AFP: variants seen among roughly 807,000 people sequenced by gnomAD.
AFP encodes the protein alpha fetoprotein.
In AFP, 64 loss-of-function variants were observed where a neutral mutation model predicts 78.9. That is an observed-to-expected ratio of 0.81 (90% confidence interval 0.66 to 1.00). The LOEUF (loss-of-function observed/expected upper bound fraction) is 1.00. Ranked by LOEUF, AFP falls within the 50% of genes least tolerant of loss-of-function variation. The pLI is 0.00. For synonymous variants in AFP, 254 were observed against 243.8 expected (o/e 1.04, Z -0.39); for missense variants, 689 against 703.8 (o/e 0.98, Z 0.24).
chr4:73,447,819 A>G (rs1719876085), intron 8 of AFP, 143 bp downstream of exon 8: 1 of 729,882 alleles, frequency 1.4e-6, no homozygotes, highest in Non-Finnish European at 2.3e-6. Context: ...CTGAGCCAAA[A>G]TAGATTTCAG....
At position 73,444,992 on chromosome 4, in the gene AFP, G is replaced by A. The variant is rs972335983; in HGVS notation, c.714-1G>A. On this transcript the variant is annotated splice_acceptor_variant, in intron 6 of 14. Transcript: ENST00000395792. LOFTEE classifies it high-confidence loss of function. The stretch of plus-strand genomic sequence containing the variant: ...ATTTCTAATTTCTTTTTTTTCCCTA[G>A]AACTGTTACTAAACTGAGTCAGAAG... 2 of 1,606,138 alleles carry A rather than the reference G, an allele frequency of 1.2e-6. No homozygotes were observed. Among genetic ancestry groups the A allele is most frequent in the South Asian group, 1.1e-5 (1 of 90,566 alleles).
intron 3 of AFP, 135 bp from the exon 4 acceptor site, chr4:73,440,467 T>C (rs1039912187): frequency 9.6e-6 from 7 of 730,184 alleles, no homozygotes; most frequent in Non-Finnish European, 1.6e-5. Context: ...TGAAACAAAA[T>C]ACATTAGAAT....
chr4:73,445,626 C>A (rs561260399), intron 7 of AFP, among the ~76,000 whole-genome samples: 1 of 152,240 alleles, frequency 6.6e-6, no homozygotes, highest in South Asian at 2.1e-4. Flanking sequence ...CTGTTATCTC[C>A]ATAGCACAAT....
At position 73,453,870 on chromosome 4, in the gene AFP, G is replaced by C; in HGVS notation, c.1758G>C (p.Gln586His). The change falls in exon 13 of 15, where the codon CAG becomes CAC. Residue 586 changes from glutamine to histidine, a missense_variant. By Grantham distance (24) the Gln-to-His change is conservative (BLOSUM62 0). Coordinates refer to ENST00000395792, the MANE Select transcript of AFP (RefSeq NM_001134.3). ...SGLLEKCCQG[Q>H]EQEVCFAEEG... Reference sequence around the variant, plus strand: ...TGTTGGAGAAATGCTGCCAAGGCCAGGAACAGGAAGTCTGCTTTGCTGAAG... The same window carrying C: ...TGTTGGAGAAATGCTGCCAAGGCCACGAACAGGAAGTCTGCTTTGCTGAAG... The C allele has an allele frequency of 6.2e-7, 1 of 1,613,670 alleles. No homozygotes were observed.
chr4:73,436,613 T>A (rs1463710191), intron 1 of AFP, among the ~76,000 whole-genome samples: 2 of 151,578 alleles, frequency 1.3e-5, no homozygotes, highest in Non-Finnish European at 3.0e-5. Flanking sequence ...ATATTAACTT[T>A]GAAAAATTAT....
At chr4:73,438,661 G>A (rs2070849) in intron 3 of AFP, among the ~76,000 whole-genome samples, 78,430 of 151,720 alleles carry the variant, frequency 0.52, 20,641 homozygotes, top group Non-Finnish European at 0.57. Context: ...AGCAATAGTA[G>A]CTAACTTTTA....
chr4:73,454,507 C>G (rs1422429351), intron 13 of AFP, among the ~76,000 whole-genome samples: 2 of 151,940 alleles, frequency 1.3e-5, no homozygotes, highest in African/African-American at 4.8e-5. Flanking sequence ...TGTGATGTTT[C>G]AATATATTTA....
At chr4:73,442,220 C>T in intron 4 of AFP, 76 bp from the exon 5 acceptor site, 2 of 1,364,592 alleles carry the variant, frequency 1.5e-6, no homozygotes, top group Non-Finnish European at 2.1e-6. Context: ...TAAATAAATC[C>T]CAGTGTCCAG....
intron 4 of AFP, among the ~76,000 whole-genome samples, chr4:73,441,131 G>A (rs1181044010): frequency 1.3e-5 from 2 of 151,252 alleles, no homozygotes; most frequent in Non-Finnish European, 2.9e-5. Flanking sequence ...GAATATATTA[G>A]TATTGCACCA....
intron 5 of AFP, among the ~76,000 whole-genome samples, chr4:73,442,962 T>C (rs939875178): frequency 7.9e-5 from 12 of 152,128 alleles, no homozygotes; most frequent in African/African-American, 2.9e-4. Context: ...AAAAATTTCC[T>C]GAGAACTGAC....
Position 73,438,289 on chromosome 4 carries a change from G to A in AFP, c.253G>A (p.Gly85Arg). 6.2e-7 allele frequency: 1 copy of A among 1,613,052 alleles called. No homozygotes were observed. The highest frequency in any genetic ancestry group is 8.5e-7 in the Non-Finnish European group (1 of 1,179,324). Reference sequence around the variant, plus strand: ...ACCCACTGGAGATGAACAGTCTTCAGGGTGTTTAGAAAACCAGGTGAGTGA... The same window carrying A: ...ACCCACTGGAGATGAACAGTCTTCAAGGTGTTTAGAAAACCAGGTGAGTGA... The part of the protein sequence containing the change: ...EKPTGDEQSS[G>R]CLENQLPAFL... Residue 85 changes from glycine to arginine, a missense_variant, in exon 3 of 15, where the codon GGG becomes AGG. Coordinates refer to ENST00000395792, the MANE Select transcript of AFP (RefSeq NM_001134.3).
intron 3 of AFP, among the ~76,000 whole-genome samples, 189 bp from the exon 4 acceptor site, chr4:73,440,413 G>C (rs915095877): frequency 2.0e-5 from 3 of 152,128 alleles, no homozygotes; most frequent in African/African-American, 7.2e-5. Context: ...GGACATTAAA[G>C]TCTCATTTTC....
chr4:73,439,519 C>T (rs977881989), intron 3 of AFP, among the ~76,000 whole-genome samples: 1 of 152,184 alleles, frequency 6.6e-6, no homozygotes. Flanking sequence ...TTACAGATCG[C>T]TGATTTATTC....
chr4:73,450,829 G>A lies in AFP; in HGVS notation c.1428+76G>A, dbSNP rs555504762. The stretch of plus-strand genomic sequence containing the variant: ...GAAATAGCCTCATAATTCCCCTCTA[G>A]GGAAGACGGTAAAAACCAATGTAGA... On this transcript the variant is annotated intron_variant, in intron 11 of 14. Transcript: ENST00000395792. 4.4e-6 allele frequency: 7 copies of A among 1,608,766 alleles called. 1 individual carries two copies. In the African/African-American group the frequency reaches 6.7e-5, roughly 15 times the overall value.
intron 5 of AFP, 135 bp from the exon 6 acceptor site, chr4:73,443,212 C>T: frequency 1.3e-6 from 1 of 741,890 alleles, no homozygotes; most frequent in Non-Finnish European, 2.3e-6. Flanking sequence ...TAATGTATGA[C>T]ATTTATAATT....
At chr4:73,444,792 C>T (rs893016581) in intron 6 of AFP, among the ~76,000 whole-genome samples, 22 of 152,090 alleles carry the variant, frequency 1.4e-4, no homozygotes, top group African/African-American at 4.6e-4. Flanking sequence ...ATTTGTGGGG[C>T]CAGCTCACAG....
At chr4:73,436,956 A>G (rs1428521978) in intron 1 of AFP, among the ~76,000 whole-genome samples, 1 of 151,986 alleles carries the variant, frequency 6.6e-6, no homozygotes, top group African/African-American at 2.4e-5. Flanking sequence ...GGTCTACTAT[A>G]AATTATGCTT....
Position 73,447,612 on chromosome 4 carries a change from A to G in AFP, c.994A>G (p.Arg332Gly). 6.2e-7 allele frequency: 1 copy of G among 1,612,016 alleles called. No individual in the cohort carries two copies. The highest frequency in any genetic ancestry group is 8.5e-7 in the Non-Finnish European group (1 of 1,179,640). ...KPEGLSPNLN[R>G]FLGDRDFNQF... ...TGAAGGTCTATCTCCAAATCTAAACAGGTTTTTAGGAGATAGAGATTTTAA... is the reference window on the plus strand; with the variant it reads ...TGAAGGTCTATCTCCAAATCTAAACGGGTTTTTAGGAGATAGAGATTTTAA... Residue 332 changes from arginine (R) to glycine (G), a missense_variant, in exon 8 of 15, where the codon AGG (arginine) becomes GGG (glycine). Transcript: ENST00000395792.
rs544812935 is a variant in AFP, at chr4:73,445,215, T to C, written c.843+93T>C. On this transcript the variant is annotated intron_variant, in intron 7 of 14. Coordinates refer to ENST00000395792, the MANE Select transcript of AFP (RefSeq NM_001134.3). ...AAGGGAGAAGGTTGTTTGACTTGAATTGGTTACAGAGTATGTAAACTAGGT... is the reference window on the plus strand; with the variant it reads ...AAGGGAGAAGGTTGTTTGACTTGAACTGGTTACAGAGTATGTAAACTAGGT... The C allele has an allele frequency of 1.1e-3, 1,684 of 1,497,702 alleles. 23 individuals are homozygous for C. In the Middle Eastern group the frequency reaches 0.029, roughly 26 times the overall value. 92.8% of individuals were successfully genotyped at this position (1,497,702 alleles called of 1,614,324 possible). A position where few individuals can be genotyped will look rare whatever the true frequency, so the allele number is the denominator to read the frequency against.
Sources: gnomAD v4.1 joint callset for allele counts (sites outside exome capture counted in the v4.1 genomes callset) on GRCh38, gnomAD v4.1.1 for gene constraint, MANE v1.5 for transcripts, NCBI Gene and HGNC (gene_info 2026-07-23, HGNC 2026-07-21) for gene names.